SLC5A8: variants seen among roughly 807,000 people sequenced by gnomAD.
The protein encoded by SLC5A8 is solute carrier family 5 member 8, also known as sodium-coupled monocarboxylate transporter 1.
In SLC5A8, 55 loss-of-function variants were observed where a neutral mutation model predicts 71.9. The observed-to-expected ratio is 0.77, with a 90% CI of 0.62 to 0.96. The LOEUF is 0.96. SLC5A8 is among the 40% of genes least tolerant of loss of function. SLC5A8 has a pLI of 0.00. For synonymous variants in SLC5A8, 307 were observed against 276.1 expected (o/e 1.11, Z -1.11); for missense variants, 701 against 745.3 (o/e 0.94, Z 0.69).
In SLC5A8 at chr12:101,209,585, A is replaced by C. The variant is rs777627429; in HGVS notation, c.264T>G (p.Phe88Leu). 3.7e-6 allele frequency: 6 copies of C among 1,613,692 alleles called. No individual in the cohort carries two copies. Among genetic ancestry groups the C allele is most frequent in the African/African-American group, 1.3e-5 (1 of 74,900 alleles). ...VYRFGAIFSI[F>L]AFTYFFVVVI... ...CCACCACAAAGAAGTAGGTGAAGGC[A>C]AAGATGCTAAAAATGGCCCCAAAAC... Residue 88 changes from phenylalanine to leucine, a missense_variant, in exon 1 of 15, where the codon TTT becomes TTG. Coordinates refer to ENST00000536262, the MANE Select transcript of SLC5A8 (RefSeq NM_145913.5).
chr12:101,187,301 A>T, intron 7 of SLC5A8, 85 bp downstream of exon 7: 1 of 1,414,758 alleles, frequency 7.1e-7, no homozygotes, highest in Non-Finnish European at 9.4e-7. Context: ...CCGTTTCTCT[A>T]CAAGAATATG....
At chr12:101,164,910 T>C (rs2051755215) in intron 12 of SLC5A8, among the ~76,000 whole-genome samples, 1 of 152,252 alleles carries the variant, frequency 6.6e-6, no homozygotes, top group African/African-American at 2.4e-5. Flanking sequence ...GAAGTAGTAG[T>C]ATATCTCTGA....
At chr12:101,184,408 G>A (rs775461581) in intron 7 of SLC5A8, among the ~76,000 whole-genome samples, 186 bp from the exon 8 acceptor site, 1 of 152,192 alleles carries the variant, frequency 6.6e-6, no homozygotes. Flanking sequence ...TAGCACAGTA[G>A]TTAAGTAAAG....
At chr12:101,186,303 G>C (rs1044453122) in intron 7 of SLC5A8, among the ~76,000 whole-genome samples, 2 of 152,020 alleles carry the variant, frequency 1.3e-5, no homozygotes, top group African/African-American at 4.8e-5. Context: ...TTATCAAAAG[G>C]AGGGCATAAG....
In SLC5A8 at chr12:101,166,575, C is replaced by CTGT. The variant is rs2051772807; in HGVS notation, c.1442_1444dup (p.Asn481dup). 1.2e-6 allele frequency: 2 copies of CTGT among 1,614,028 alleles called. No homozygotes were observed. Among genetic ancestry groups the CTGT allele is most frequent in the East Asian group, 4.5e-5 (2 of 44,862 alleles). On this transcript the variant is annotated inframe_insertion, in exon 12 of 15. Coordinates refer to ENST00000536262, the MANE Select transcript of SLC5A8 (RefSeq NM_145913.5). ...CATCAAATTTGTCTCATTGTAGGTG[C>CTGT]TGTTACAGCCTTGGATATCAAGGTG...
chr12:101,177,209 G>A (rs1208460234), intron 10 of SLC5A8, among the ~76,000 whole-genome samples: 3 of 151,830 alleles, frequency 2.0e-5, no homozygotes, highest in Non-Finnish European at 2.9e-5. Flanking sequence ...ACAATTCATC[G>A]AATATGAAAT....
At chr12:101,209,081 G>T (rs1389213322) in intron 1 of SLC5A8, among the ~76,000 whole-genome samples, 1 of 152,142 alleles carries the variant, frequency 6.6e-6, no homozygotes, top group Non-Finnish European at 1.5e-5. Flanking sequence ...AGTGAATGGG[G>T]CTGAGGACCT....
Position 101,209,526 on chromosome 12 carries a change from T to C in SLC5A8, c.323A>G (p.Tyr108Cys). ...ISAEVFLPVFYKLGITSTYEY... is the reference protein window; with the variant it reads ...ISAEVFLPVFCKLGITSTYEY... ...GTAGGTGCTGGTAATTCCCAGTTTG[T>C]AGAACACCGGGAGGAAGACCTCCGC... Residue 108 changes from tyrosine (Y) to cysteine (C), a missense_variant, in exon 1 of 15, where the codon TAC becomes TGC. By Grantham distance (194) the Tyr-to-Cys change is radical. Transcript: ENST00000536262. 4 of 1,610,778 alleles carry C rather than the reference T, an allele frequency of 2.5e-6. No individual in the cohort carries two copies. Among genetic ancestry groups the C allele is most frequent in the Non-Finnish European group, 3.4e-6 (4 of 1,178,372 alleles).
chr12:101,200,009 CAAAAAAAAAA>C (rs1182463470), intron 3 of SLC5A8, among the ~76,000 whole-genome samples: 1 of 9,640 alleles, frequency 1.0e-4, no homozygotes, highest in Non-Finnish European at 2.0e-4. Flanking sequence ...GTACTACCAG[CAAAAAAAAAA>C]AAAAAAAAAA....
rs1277690088 is a variant in SLC5A8 at position 101,193,719 on chromosome 12, AT to A, written c.597del (p.Phe200LeufsTer4). The A allele has an allele frequency of 6.2e-7, 1 of 1,614,186 alleles. No homozygotes were observed. The highest frequency in any genetic ancestry group is 8.5e-7 in the Non-Finnish European group (1 of 1,180,026). ...ACAGCCTGTATAATCACGGATGCAA[AT>A]CCAGCCACCATGATCCCAACTTGAA... ...DVFQVGIMVA[G>X]FASVIIQAVV... On this transcript the variant is annotated frameshift_variant, in exon 5 of 15. Transcript: ENST00000536262. LOFTEE classifies it high-confidence loss of function.
chr12:101,171,462 G>A (rs1458649192), intron 10 of SLC5A8, among the ~76,000 whole-genome samples: 1 of 152,278 alleles, frequency 6.6e-6, no homozygotes, highest in Admixed American at 6.5e-5. Context: ...TTGAAAGTGC[G>A]CTCCATGGTC....
At chr12:101,175,740 A>T (rs2051874201) in intron 10 of SLC5A8, among the ~76,000 whole-genome samples, 1 of 152,046 alleles carries the variant, frequency 6.6e-6, no homozygotes, top group South Asian at 2.1e-4. Flanking sequence ...GTAGAAAAAT[A>T]TTTTTTTAAC....
chr12:101,184,171 C>T lies in SLC5A8; in HGVS notation c.1015G>A (p.Gly339Arg). 1 of 1,614,080 alleles carries T rather than the reference C, an allele frequency of 6.2e-7. No individual in the cohort carries two copies. The highest frequency in any genetic ancestry group is 2.2e-5 in the East Asian group (1 of 44,876). Residue 339 changes from glycine (G) to arginine (R), a missense_variant, in exon 8 of 15, where the codon GGA becomes AGA. Coordinates refer to ENST00000536262, the MANE Select transcript of SLC5A8 (RefSeq NM_145913.5). ...DILQDYPGLPGLFVACAYSGT... is the reference protein window; with the variant it reads ...DILQDYPGLPRLFVACAYSGT... ...CTGTAAGCACAGGCCACAAAAAGTC[C>T]AGGAAGTCCTGGATAATCTTGCAGA...
intron 7 of SLC5A8, 58 bp downstream of exon 7, chr12:101,187,328 A>C: frequency 6.5e-7 from 1 of 1,533,228 alleles, no homozygotes; most frequent in Non-Finnish European, 8.8e-7. Flanking sequence ...CTTTCCTCTC[A>C]ACTAATAAGC....
chr12:101,207,730 T>C (rs1415116766), intron 1 of SLC5A8, among the ~76,000 whole-genome samples: 1 of 152,140 alleles, frequency 6.6e-6, no homozygotes, highest in African/African-American at 2.4e-5. Context: ...TCAGGTAACA[T>C]ACATAAGTGA....
At chr12:101,174,973 A>G (rs2051865648) in intron 10 of SLC5A8, among the ~76,000 whole-genome samples, 2 of 152,216 alleles carry the variant, frequency 1.3e-5, no homozygotes, top group Non-Finnish European at 2.9e-5. Flanking sequence ...AAGATTACAG[A>G]AACAGAATTA....
At position 101,166,583 on chromosome 12, in the gene SLC5A8, GC is replaced by G; in HGVS notation, c.1436del (p.Gly479AlafsTer11). On this transcript the variant is annotated frameshift_variant, in exon 12 of 15. Coordinates refer to ENST00000536262, the MANE Select transcript of SLC5A8 (RefSeq NM_145913.5). LOFTEE classifies it high-confidence loss of function. ...TTGTCTCATTGTAGGTGCTGTTACA[GC>G]CTTGGATATCAAGGTGCAATGGCAA... ...RTLPLHLDIQGCNSTYNETNL... is the reference protein window; with the variant it reads ...RTLPLHLDIQXCNSTYNETNL... The G allele has an allele frequency of 6.2e-7, 1 of 1,614,030 alleles. No individual in the cohort carries two copies. Among genetic ancestry groups the G allele is most frequent in the Non-Finnish European group, 8.5e-7 (1 of 1,179,946 alleles).
intron 9 of SLC5A8, 77 bp downstream of exon 9, chr12:101,182,726 T>G: frequency 1.0e-6 from 1 of 964,172 alleles, no homozygotes; most frequent in Non-Finnish European, 1.6e-6. Context: ...CTCTGTAGCT[T>G]CAGTGGAAAA....
intron 13 of SLC5A8, among the ~76,000 whole-genome samples, chr12:101,161,188 A>AT (rs77560696): frequency 0.22 from 34,151 of 152,028 alleles, 4,239 homozygotes; most frequent in East Asian, 0.53. Context: ...AGATTAAATA[A>AT]TTTTTTTTCA....
Sources: gnomAD v4.1 joint callset for allele counts (sites outside exome capture counted in the v4.1 genomes callset) on GRCh38, gnomAD v4.1.1 for gene constraint, MANE v1.5 for transcripts, NCBI Gene and HGNC (gene_info 2026-07-23, HGNC 2026-07-21) for gene names.